MASP2: variants seen among roughly 807,000 people sequenced by gnomAD.
The protein encoded by MASP2 is mannan-binding lectin serine protease 2.
MASP2 carries 49 observed loss-of-function variants against 57.1 expected under a neutral mutation model. The ratio of observed to expected loss-of-function variants is 0.86; its 90% CI spans 0.68 to 1.09. MASP2 has a LOEUF of 1.09. Among genes scored for constraint, MASP2 ranks in the 50% least tolerant of loss-of-function variants. The probability of loss-of-function intolerance (pLI) is 0.00; values close to 1 mark genes in which losing one functional copy is unlikely to be tolerated. For missense variants in MASP2, 900 were observed against 874.8 expected (o/e 1.03, Z -0.36); for synonymous variants, 379 against 340.8 (o/e 1.11, Z -1.24).
rs1212874907 is a variant in MASP2, at chr1:11,046,808, G to A, written c.235-75C>T. The A allele has an allele frequency of 7.1e-6, 11 of 1,553,066 alleles. No homozygotes were observed. The East Asian group carries it at 2.6e-4, about 36-fold the overall frequency. On this transcript the variant is annotated intron_variant, in intron 2 of 10. Coordinates refer to ENST00000400897, the MANE Select transcript of MASP2 (RefSeq NM_006610.4). ...TCCCTCCTGGCCAAGCCTGGCCCCT[G>A]CTCCCAGGTGTCCCTGAACCCTGGC...
rs1256989738 is a variant in MASP2, at chr1:11,036,420, C to T, written c.1008+1273G>A. On this transcript the variant is annotated intron_variant, in intron 7 of 10. Transcript: ENST00000400897. ...TCGGGAGGCTGAGGCAGGAGAATGGCGTGAACCCGGGAAGCGGAGCTTGCA... is the reference window on the plus strand; with the variant it reads ...TCGGGAGGCTGAGGCAGGAGAATGGTGTGAACCCGGGAAGCGGAGCTTGCA... Among the ~76,000 whole-genome samples the T allele has an allele frequency of 5.2e-5, 7 of 135,096 alleles. No homozygotes were observed. The East Asian group carries it at 1.3e-3, about 25-fold the overall frequency. 88.6% of individuals were successfully genotyped at this position (135,096 alleles called of 152,430 possible). A position where few individuals can be genotyped will look rare whatever the true frequency, so the allele number is the denominator to read the frequency against.
chr1:11,027,292 AAATAGGCGTGATGTTGC>A lies in MASP2; in HGVS notation c.1637_1653del (p.Ser546MetfsTer8), dbSNP rs747236977. 7 of 1,614,020 alleles carry A rather than the reference AAATAGGCGTGATGTTGC, an allele frequency of 4.3e-6. No individual in the cohort carries two copies. In the South Asian group the frequency reaches 6.6e-5, roughly 15 times the overall value. ...GATTCAGCTTCTTTTCTTGGCAGAC[AAATAGGCGTGATGTTGC>A]TATTGATTACAACTTTGTTATTCAA... On this transcript the variant is annotated frameshift_variant, in exon 11 of 11. Transcript: ENST00000400897. LOFTEE classifies it low-confidence loss of function (END_TRUNC).
rs570576415 is a variant in MASP2, at chr1:11,035,033, A to T, written c.1009-127T>A. 1.4e-5 allele frequency: 9 copies of T among 625,986 alleles called. No individual in the cohort carries two copies. In the South Asian group the frequency reaches 1.9e-4, roughly 13 times the overall value. 38.8% of individuals were successfully genotyped at this position (625,986 alleles called of 1,614,324 possible). ...GTGCTCCTGAAGGGGGTGGCAGCAC[A>T]CATGACTAGTATCTGCGTGTGCTGG... is the stretch of plus-strand genomic sequence containing the variant. On this transcript the variant is annotated intron_variant, in intron 7 of 10. Coordinates refer to ENST00000400897, the MANE Select transcript of MASP2 (RefSeq NM_006610.4).
intron 10 of MASP2, among the ~76,000 whole-genome samples, chr1:11,028,721 T>TGG (rs1570734614): frequency 2.0e-5 from 3 of 148,432 alleles, no homozygotes; most frequent in East Asian, 3.9e-4. Context: ...TTTTTTTTTT[T>TGG]TTTTTTTTTT....
Position 11,027,107 on chromosome 1 carries a change from A to G in MASP2, c.1839T>C (p.Thr613=). 1 of 1,609,350 alleles carries G rather than the reference A, an allele frequency of 6.2e-7. No individual in the cohort carries two copies. The highest frequency in any genetic ancestry group is 8.5e-7 in the Non-Finnish European group (1 of 1,177,460). ...EKPPYPRGSV[T]ANMLCAGLES... is the part of the protein sequence containing the mutation. ...CTAAGCCAGCACAAAGCATGTTAGC[A>G]GTTACACTTCCCCTTGGATAGGGTG... The change falls in exon 11 of 11, where the codon ACT becomes ACC. Residue 613 remains threonine (T), a synonymous_variant. Coordinates refer to ENST00000400897, the MANE Select transcript of MASP2 (RefSeq NM_006610.4).
At chr1:11,046,814 A>AGG in intron 2 of MASP2, 77 bp downstream of exon 2, 1 of 1,552,764 alleles carries the variant, frequency 6.4e-7, no homozygotes, top group South Asian at 1.2e-5. Flanking sequence ...CCCTGCTCCC[A>AGG]GGTGTCCCTG....
At chr1:11,028,721 T>C (rs199756049) in intron 10 of MASP2, among the ~76,000 whole-genome samples, 1 of 148,344 alleles carries the variant, frequency 6.7e-6, no homozygotes, top group Non-Finnish European at 1.5e-5. Flanking sequence ...TTTTTTTTTT[T>C]TTTTTTTTTT....
intron 6 of MASP2, among the ~76,000 whole-genome samples, chr1:11,041,660 T>TA: frequency 1.4e-5 from 2 of 141,808 alleles, no homozygotes; most frequent in African/African-American, 2.7e-5. Context: ...GGTAGAAGGA[T>TA]GAGTGAATGG....
At chr1:11,032,624 A>G (rs1276617064) in intron 8 of MASP2, among the ~76,000 whole-genome samples, 3 of 145,710 alleles carry the variant, frequency 2.1e-5, no homozygotes, top group Admixed American at 6.9e-5. Flanking sequence ...AAAAAAAAAA[A>G]GTGGCTGGTC....
At chr1:11,040,805 G>T (rs1487841923) in intron 6 of MASP2, among the ~76,000 whole-genome samples, 3 of 151,436 alleles carry the variant, frequency 2.0e-5, no homozygotes, top group African/African-American at 7.3e-5. Flanking sequence ...TGGATAGAAA[G>T]ATGGGTAGGT....
At chr1:11,027,868 A>C (rs2100868776) in intron 10 of MASP2, among the ~76,000 whole-genome samples, 1 of 152,336 alleles carries the variant, frequency 6.6e-6, no homozygotes, top group Admixed American at 6.5e-5. Flanking sequence ...TCAGAAAATG[A>C]GATTAGTGAA....
chr1:11,045,604 C>T (rs1334889303), intron 3 of MASP2, 65 bp from the exon 4 acceptor site: 21 of 1,515,112 alleles, frequency 1.4e-5, no homozygotes, highest in Non-Finnish European at 1.8e-5. Context: ...GCCTGGACTC[C>T]TCCCAGGAGA....
intron 8 of MASP2, among the ~76,000 whole-genome samples, chr1:11,031,379 AT>A (rs1643841909): frequency 6.6e-6 from 1 of 151,398 alleles, no homozygotes; most frequent in African/African-American, 2.4e-5. Context: ...AAAAAAAAAA[AT>A]TAGCCAGGCG....
intron 7 of MASP2, among the ~76,000 whole-genome samples, chr1:11,036,158 T>C (rs540745268): frequency 4.1e-4 from 62 of 152,284 alleles, no homozygotes; most frequent in Non-Finnish European, 6.0e-4. Context: ...AAGATGGCTT[T>C]GGCAGAAACC....
intron 7 of MASP2, among the ~76,000 whole-genome samples, 186 bp downstream of exon 7, chr1:11,037,507 T>G (rs774139877): frequency 1.3e-5 from 2 of 152,216 alleles, no homozygotes; most frequent in Non-Finnish European, 2.9e-5. Flanking sequence ...CAGAATCACA[T>G]TTTCCATAGC....
intron 8 of MASP2, among the ~76,000 whole-genome samples, chr1:11,033,742 C>A (rs531823106): frequency 6.6e-6 from 1 of 152,012 alleles, no homozygotes; most frequent in South Asian, 2.1e-4. Flanking sequence ...ACCAGCCTGG[C>A]CAACATGGTG....
chr1:11,044,993 G>A (rs772050291), intron 4 of MASP2: 23 of 1,599,568 alleles, frequency 1.4e-5, no homozygotes, highest in South Asian at 1.3e-4. Context: ...GACACCGAGA[G>A]GGAGAAACCG....
intron 8 of MASP2, among the ~76,000 whole-genome samples, chr1:11,031,776 C>T (rs1481974239): frequency 6.6e-6 from 1 of 151,464 alleles, no homozygotes; most frequent in East Asian, 2.0e-4. Context: ...GGTAAATTGG[C>T]TGGGCTTGGT....
At chr1:11,028,683 T>C (rs1044745757) in intron 10 of MASP2, among the ~76,000 whole-genome samples, 6 of 148,398 alleles carry the variant, frequency 4.0e-5, no homozygotes, top group African/African-American at 1.5e-4. Flanking sequence ...ATTAATATAT[T>C]ACTATCTTTC....
Sources: allele counts gnomAD v4.1 joint callset (sites outside exome capture counted in the v4.1 genomes callset), GRCh38; gene constraint gnomAD v4.1.1; transcripts MANE v1.5; gene names NCBI Gene and HGNC (gene_info 2026-07-23, HGNC 2026-07-21).